The following LIPI variants were observed in gnomAD, a reference collection of about 807,000 sequenced individuals.
LIPI encodes the protein lipase member I.
Under a neutral mutation model 50.6 loss-of-function variants are expected in LIPI, and 59 were observed. The observed-to-expected ratio is 1.16, with a 90% CI of 0.94 to 1.45. The LOEUF is 1.45. Among genes scored for constraint, LIPI ranks in the 40% most tolerant of loss-of-function variants. The pLI is 0.00. For missense variants in LIPI, 586 were observed against 536.3 expected (o/e 1.09, Z -0.92); for synonymous variants, 203 against 178.2 (o/e 1.14, Z -1.11).
In LIPI at chr21:14,186,607, C is replaced by G. The variant is rs558787522; in HGVS notation, c.433-538G>C. ...ATAAGAGGAAAAGATGGATTCCAAG[C>G]TGCTGTGGTCTGAATGTTTGTGTCT... On this transcript the variant is annotated intron_variant, in intron 2 of 9. Coordinates refer to ENST00000681601, the MANE Select transcript of LIPI (RefSeq NM_001302998.2). 3.9e-5 allele frequency among the ~76,000 whole-genome samples: 6 copies of G among 152,294 alleles called. No individual in the cohort carries two copies. In the East Asian group the frequency reaches 1.2e-3, roughly 29 times the overall value.
chr21:14,129,232 C>A (rs2017187973), intron 9 of LIPI, among the ~76,000 whole-genome samples: 1 of 151,802 alleles, frequency 6.6e-6, no homozygotes, highest in Non-Finnish European at 1.5e-5. Flanking sequence ...TGATTTAGCA[C>A]CTAATATTAA....
At chr21:14,118,194 G>A (rs1227796783) in intron 9 of LIPI, among the ~76,000 whole-genome samples, 1 of 152,102 alleles carries the variant, frequency 6.6e-6, no homozygotes, top group African/African-American at 2.4e-5. Context: ...GCTGGCAGAA[G>A]CCAATGACTA....
chr21:14,185,404 T>G (rs898540425), intron 3 of LIPI, among the ~76,000 whole-genome samples: 2 of 152,218 alleles, frequency 1.3e-5, no homozygotes, highest in Non-Finnish European at 2.9e-5. Flanking sequence ...TCCTTAAAAT[T>G]TAGCTGGGAC....
chr21:14,210,766 TAA>T, intron 1 of LIPI, 32 bp downstream of exon 1: 1 of 935,374 alleles, frequency 1.1e-6, no homozygotes, highest in Non-Finnish European at 1.4e-6. Flanking sequence ...ATGCAATTTT[TAA>T]AGATAAATCA....
chr21:14,199,261 G>A (rs569835648), intron 1 of LIPI, among the ~76,000 whole-genome samples: 2 of 151,956 alleles, frequency 1.3e-5, no homozygotes, highest in Admixed American at 6.6e-5. Flanking sequence ...TGAACTGACG[G>A]AGACTGAGAA....
At chr21:14,183,692 A>G (rs138138207) in intron 3 of LIPI, among the ~76,000 whole-genome samples, 2 of 152,346 alleles carry the variant, frequency 1.3e-5, no homozygotes, top group Non-Finnish European at 2.9e-5. Flanking sequence ...TCTCAAAAGA[A>G]GACACCTATG....
chr21:14,210,029 G>C (rs9636570), intron 1 of LIPI, among the ~76,000 whole-genome samples: 10,520 of 151,830 alleles, frequency 0.069, 661 homozygotes, highest in East Asian at 0.26. Flanking sequence ...GTAATTTCTA[G>C]TTAATTTTAA....
chr21:14,206,710 T>C (rs776970910), intron 1 of LIPI: 6 of 709,640 alleles, frequency 8.5e-6, no homozygotes, highest in Non-Finnish European at 1.5e-5. Context: ...CACATGATAA[T>C]AGTTTATATT....
intron 1 of LIPI, among the ~76,000 whole-genome samples, chr21:14,190,551 G>C (rs2019635501): frequency 6.6e-6 from 1 of 152,070 alleles, no homozygotes; most frequent in Non-Finnish European, 1.5e-5. Flanking sequence ...GAGATAATAT[G>C]CATTTCTTAC....
rs768838262 is a variant in LIPI at position 14,202,871 on chromosome 21, A to G, written c.46+7929T>C. 6.5e-4 allele frequency among the ~76,000 whole-genome samples: 99 copies of G among 151,966 alleles called. 3 individuals are homozygous for G. In the South Asian group the frequency reaches 0.018, roughly 28 times the overall value. ...ACTAAAGAGCTTCTGCACAGCAAAA[A>G]AAACTACCATCAGAGTGAACAGGCA... On this transcript the variant is annotated intron_variant, in intron 1 of 9. Transcript: ENST00000681601.
At chr21:14,145,324 C>T (rs563179975) in intron 8 of LIPI, among the ~76,000 whole-genome samples, 2 of 152,202 alleles carry the variant, frequency 1.3e-5, no homozygotes, top group South Asian at 2.1e-4. Context: ...TGAAAAACTC[C>T]TTTTATTAGG....
intron 9 of LIPI, among the ~76,000 whole-genome samples, chr21:14,143,090 C>T (rs1600856766): frequency 6.6e-6 from 1 of 152,172 alleles, no homozygotes; most frequent in East Asian, 1.9e-4. Context: ...ATAATGGAAT[C>T]CCCAAATACA....
chr21:14,197,100 T>C (rs2019889606), intron 1 of LIPI, among the ~76,000 whole-genome samples: 1 of 151,464 alleles, frequency 6.6e-6, no homozygotes, highest in Non-Finnish European at 1.5e-5. Context: ...AACAATCTAA[T>C]GGCAAAATTC....
chr21:14,189,388 C>T lies in LIPI; in HGVS notation c.78G>A (p.Gln26=). 1 of 1,612,776 alleles carries T rather than the reference C, an allele frequency of 6.2e-7. No individual in the cohort carries two copies. The highest frequency in any genetic ancestry group is 8.5e-7 in the Non-Finnish European group (1 of 1,179,018). ...DNKRPCLEFS[Q]LSVKDSFRDL... is the part of the protein sequence containing the mutation. The stretch of plus-strand genomic sequence containing the variant: ...CTCTGAAGGAATCCTTTACACTTAG[C>T]TGAGAGAATTCAAGGCATGGTCTTT... The change falls in exon 2 of 10, where the codon CAG becomes CAA. Residue 26 remains glutamine, a synonymous_variant. Coordinates refer to ENST00000681601, the MANE Select transcript of LIPI (RefSeq NM_001302998.2).
intron 4 of LIPI, among the ~76,000 whole-genome samples, chr21:14,169,580 C>T (rs2018816703): frequency 1.3e-5 from 2 of 152,208 alleles, no homozygotes; most frequent in Admixed American, 1.3e-4. Flanking sequence ...CGTTCAACTA[C>T]ATGGAAACTG....
chr21:14,176,872 T>C (rs986336281), intron 4 of LIPI, among the ~76,000 whole-genome samples: 5 of 151,956 alleles, frequency 3.3e-5, no homozygotes, highest in African/African-American at 1.2e-4. Context: ...ATGTGCCATG[T>C]TAGTGTGCTG....
intron 4 of LIPI, among the ~76,000 whole-genome samples, chr21:14,169,528 G>A (rs1033921070): frequency 1.1e-4 from 16 of 152,318 alleles, no homozygotes; most frequent in Middle Eastern, 3.4e-3. Context: ...AGACCACAGT[G>A]CAATCAAACT....
chr21:14,136,894 G>A (rs931477131), intron 9 of LIPI, among the ~76,000 whole-genome samples: 2 of 152,280 alleles, frequency 1.3e-5, no homozygotes, highest in African/African-American at 2.4e-5. Context: ...CTATATGTAT[G>A]GGAAAATATA....
intron 7 of LIPI, among the ~76,000 whole-genome samples, chr21:14,153,849 G>A (rs1178641125): frequency 6.6e-6 from 1 of 152,048 alleles, no homozygotes; most frequent in African/African-American, 2.4e-5. Flanking sequence ...TTTTCAGTCT[G>A]GGTCTTACGT....
Sources: gnomAD v4.1 joint callset for allele counts (sites outside exome capture counted in the v4.1 genomes callset) on GRCh38, gnomAD v4.1.1 for gene constraint, MANE v1.5 for transcripts, NCBI Gene and HGNC (gene_info 2026-07-23, HGNC 2026-07-21) for gene names.